LRP1B: variants seen among roughly 807,000 people sequenced by gnomAD.
The protein encoded by LRP1B is low-density lipoprotein receptor-related protein 1B.
In LRP1B, 217 loss-of-function variants were observed where a neutral mutation model predicts 556.6. The ratio of observed to expected loss-of-function variants is 0.39; its 90% CI spans 0.35 to 0.44. The LOEUF (loss-of-function observed/expected upper bound fraction) is 0.44. LRP1B is among the 20% of genes least tolerant of loss of function. The pLI, the probability that LRP1B is intolerant of heterozygous loss-of-function variation, is 1.00. For missense variants in LRP1B, 5,053 were observed against 5,620.8 expected (o/e 0.90, Z 3.23); for synonymous variants, 2,047 against 1,865.8 (o/e 1.10, Z -2.50).
chr2:140,383,113 C>A lies in LRP1B; in HGVS notation c.10531+2780G>T, dbSNP rs1489670241. ...AGCGACAAATTTCTCAAAATGTATC[C>A]CCACTGTTAAGCAACACATGATGAT... is the stretch of plus-strand genomic sequence containing the variant. On this transcript the variant is annotated intron_variant, in intron 67 of 90. Transcript: ENST00000389484. Among the ~76,000 whole-genome samples, 7 of 152,040 alleles carry A rather than the reference C, an allele frequency of 4.6e-5. No individual in the cohort carries two copies. The East Asian group carries it at 1.3e-3, about 29-fold the overall frequency.
intron 6 of LRP1B, among the ~76,000 whole-genome samples, chr2:141,217,322 T>C (rs1682853817): frequency 6.6e-6 from 1 of 152,192 alleles, no homozygotes; most frequent in African/African-American, 2.4e-5. Flanking sequence ...CTGATAATTA[T>C]ATATAGTATA....
chr2:141,991,393 C>T (rs1020810803), intron 1 of LRP1B, among the ~76,000 whole-genome samples: 1 of 151,874 alleles, frequency 6.6e-6, no homozygotes, highest in Non-Finnish European at 1.5e-5. Flanking sequence ...CAATAATTGG[C>T]AAAAATATTG....
At chr2:140,595,194 T>C (rs1039454390) in intron 43 of LRP1B, among the ~76,000 whole-genome samples, 2 of 144,038 alleles carry the variant, frequency 1.4e-5, no homozygotes, top group African/African-American at 5.3e-5. Flanking sequence ...GGAGTAATAT[T>C]TTGTTATAGC....
Position 140,840,914 on chromosome 2 carries a change from T to C in LRP1B, c.5114+4A>G, listed in dbSNP as rs2105097177. 1 of 1,589,596 alleles carries C rather than the reference T, an allele frequency of 6.3e-7. No individual in the cohort carries two copies. Among genetic ancestry groups the C allele is most frequent in the Non-Finnish European group, 8.5e-7 (1 of 1,170,490 alleles). The stretch of plus-strand genomic sequence containing the variant: ...AAAACTTTAAAAAAAAAATCATACT[T>C]TACCCCCTGACTGGGTGAGCTGCAA... On this transcript the variant is annotated splice_donor_region_variant and intron_variant, in intron 30 of 90. Transcript: ENST00000389484.
At chr2:140,566,915 C>T (rs1286314335) in intron 43 of LRP1B, among the ~76,000 whole-genome samples, 1 of 152,114 alleles carries the variant, frequency 6.6e-6, no homozygotes, top group Admixed American at 6.6e-5. Context: ...TGCACTACAT[C>T]CCAGGGAAAC....
chr2:140,295,137 C>T (rs1214404122), intron 84 of LRP1B, among the ~76,000 whole-genome samples: 1 of 152,082 alleles, frequency 6.6e-6, no homozygotes, highest in Non-Finnish European at 1.5e-5. Context: ...CTCAGCCTCT[C>T]AAAGTGCTGG....
At chr2:140,345,202 C>T (rs1026859745) in intron 77 of LRP1B, among the ~76,000 whole-genome samples, 1 of 151,836 alleles carries the variant, frequency 6.6e-6, no homozygotes, top group South Asian at 2.1e-4. Flanking sequence ...TATCTCCAGA[C>T]ATTTCTAAAT....
intron 2 of LRP1B, among the ~76,000 whole-genome samples, chr2:141,491,480 A>G (rs572599904): frequency 7.1e-6 from 1 of 139,906 alleles, no homozygotes; most frequent in African/African-American, 2.5e-5. Flanking sequence ...CTTTGGGACT[A>G]CTTTACCTGT....
At chr2:141,316,934 C>A (rs1687057108) in intron 3 of LRP1B, among the ~76,000 whole-genome samples, 1 of 152,072 alleles carries the variant, frequency 6.6e-6, no homozygotes, top group African/African-American at 2.4e-5. Context: ...TGGCAAGGTA[C>A]AATGATAACA....
In LRP1B at chr2:141,817,170, C is replaced by T. The variant is rs1696586720; in HGVS notation, c.83-6769G>A. On this transcript the variant is annotated intron_variant, in intron 1 of 90. Transcript: ENST00000389484. ...TTATCCTATTTAATGCTTCATCCCA[C>T]ACTTCTGAGATAGTCAGATTAATCT... 2.0e-5 allele frequency among the ~76,000 whole-genome samples: 3 copies of T among 152,170 alleles called. No homozygotes were observed. In the South Asian group the frequency reaches 6.2e-4, roughly 32 times the overall value.
intron 7 of LRP1B, among the ~76,000 whole-genome samples, chr2:141,070,074 A>G (rs1396361468): frequency 6.7e-6 from 1 of 149,852 alleles, no homozygotes; most frequent in Non-Finnish European, 1.5e-5. Flanking sequence ...TGTTCTTGCG[A>G]TAGTTTACTG....
intron 59 of LRP1B, among the ~76,000 whole-genome samples, chr2:140,484,581 T>C (rs572886496): frequency 1.6e-4 from 24 of 152,318 alleles, no homozygotes; most frequent in African/African-American, 4.6e-4. Context: ...TCTCCAAAGA[T>C]CATTTTGGAG....
intron 47 of LRP1B, among the ~76,000 whole-genome samples, chr2:140,532,947 T>TATATATATCTATATCTATAC: frequency 8.0e-6 from 1 of 124,320 alleles, no homozygotes; most frequent in East Asian, 2.5e-4. Context: ...TATATATATA[T>TATATATATCTATATCTATAC]ACACATATAT....
intron 35 of LRP1B, among the ~76,000 whole-genome samples, chr2:140,747,450 C>G (rs1688355926): frequency 1.3e-5 from 2 of 152,150 alleles, no homozygotes; most frequent in South Asian, 4.1e-4. Flanking sequence ...CAGAGGGTCA[C>G]TTAGAAGCCA....
At chr2:142,121,899 GAA>G (rs34528579) in intron 1 of LRP1B, among the ~76,000 whole-genome samples, 38,133 of 151,582 alleles carry the variant, frequency 0.25, 4,964 homozygotes, top group Middle Eastern at 0.44. Flanking sequence ...GATTCAGCAA[GAA>G]AAAAAAAATT....
chr2:141,966,931 G>C (rs1307903761), intron 1 of LRP1B, among the ~76,000 whole-genome samples: 1 of 151,736 alleles, frequency 6.6e-6, no homozygotes, highest in African/African-American at 2.4e-5. Flanking sequence ...GATGGTGCTG[G>C]CTTCCATATT....
At chr2:142,032,149 G>A (rs1254566508) in intron 1 of LRP1B, among the ~76,000 whole-genome samples, 1 of 151,808 alleles carries the variant, frequency 6.6e-6, no homozygotes, top group Non-Finnish European at 1.5e-5. Context: ...AAGGAATAGA[G>A]CATGTAACCA....
chr2:140,657,572 C>T (rs371366599), intron 41 of LRP1B, among the ~76,000 whole-genome samples: 1,925 of 48,686 alleles, frequency 0.04, 43 homozygotes, highest in Admixed American at 0.14. Flanking sequence ...TATACACATA[C>T]ATACATATAT....
intron 6 of LRP1B, among the ~76,000 whole-genome samples, chr2:141,225,964 A>G (rs1163225010): frequency 6.6e-6 from 1 of 152,130 alleles, no homozygotes; most frequent in Non-Finnish European, 1.5e-5. Flanking sequence ...CATTACTAAT[A>G]TTCGTAGACC....
Sources: gnomAD v4.1 joint callset for allele counts (sites outside exome capture counted in the v4.1 genomes callset) on GRCh38, gnomAD v4.1.1 for gene constraint, MANE v1.5 for transcripts, NCBI Gene and HGNC (gene_info 2026-07-23, HGNC 2026-07-21) for gene names.